Variants in ASB5 observed in about 807,000 individuals in gnomAD.
ASB5 encodes the protein ankyrin repeat and SOCS box containing 5, also known as ankyrin repeat and SOCS box protein 5.
Under a neutral mutation model 42.1 loss-of-function variants are expected in ASB5, and 45 were observed. The ratio of observed to expected loss-of-function variants is 1.07; its 90% CI spans 0.84 to 1.37. ASB5 has a LOEUF of 1.37. Among genes scored for constraint, ASB5 ranks in the 40% most tolerant of loss-of-function variants. ASB5 has a pLI of 0.00. For missense variants in ASB5, 402 were observed against 399.8 expected, an observed-to-expected ratio of 1.01 and a Z score of -0.05; for synonymous variants, 147 against 150.6, an observed-to-expected ratio of 0.98 and a Z score of 0.18.
At chr4:176,268,765 T>C (rs910513269) in intron 1 of ASB5, 148 bp downstream of exon 1, 2 of 629,118 alleles carry the variant, frequency 3.2e-6, no homozygotes, top group East Asian at 6.5e-5. Context: ...TTCCTTTTTA[T>C]AAAGCCACGA....
At chr4:176,261,659 T>C (rs543399178) in intron 1 of ASB5, among the ~76,000 whole-genome samples, 2 of 152,342 alleles carry the variant, frequency 1.3e-5, no homozygotes, top group East Asian at 3.9e-4. Flanking sequence ...CTCTGCTTTA[T>C]TTATGAAGTG....
At chr4:176,225,617 G>T (rs1317292057) in intron 1 of ASB5, among the ~76,000 whole-genome samples, 2 of 152,082 alleles carry the variant, frequency 1.3e-5, no homozygotes, top group African/African-American at 4.8e-5. Context: ...AATAGATGGA[G>T]TCTCGCCCTG....
chr4:176,263,952 T>G (rs187372861), intron 1 of ASB5, among the ~76,000 whole-genome samples: 38 of 152,196 alleles, frequency 2.5e-4, no homozygotes, highest in African/African-American at 8.9e-4. Context: ...GGTTACAGTA[T>G]TCTCCAAAAT....
At chr4:176,249,507 A>G (rs1252176885) in intron 1 of ASB5, 3 of 152,238 alleles carry the variant, frequency 2.0e-5, no homozygotes, top group East Asian at 1.9e-4. Flanking sequence ...CTGCAGTCTT[A>G]GTGGGACTCT....
intron 1 of ASB5, among the ~76,000 whole-genome samples, chr4:176,233,422 A>G (rs1486670030): frequency 6.6e-6 from 1 of 151,704 alleles, no homozygotes; most frequent in Admixed American, 6.6e-5. Flanking sequence ...TCACCTAGAT[A>G]TTTTCCTGGC....
intron 5 of ASB5, among the ~76,000 whole-genome samples, chr4:176,219,589 T>TATATG (rs1183383503): frequency 2.3e-5 from 1 of 44,026 alleles, no homozygotes; most frequent in African/African-American, 7.6e-5. Context: ...TATATATATA[T>TATATG]ATATATATAT....
chr4:176,272,303 T>A (rs1370018383), upstream of ASB5, among the ~76,000 whole-genome samples: 2 of 152,174 alleles, frequency 1.3e-5, no homozygotes, highest in Non-Finnish European at 2.9e-5. Flanking sequence ...TGCAACTGCT[T>A]TTAATGGCAA....
intron 1 of ASB5, among the ~76,000 whole-genome samples, chr4:176,263,603 G>A (rs1477728945): frequency 3.3e-5 from 5 of 151,992 alleles, no homozygotes; most frequent in Admixed American, 1.3e-4. Context: ...TTCCACCTAC[G>A]TATAGAAAAT....
chr4:176,274,079 G>A (rs1754522173), upstream of ASB5, among the ~76,000 whole-genome samples: 1 of 152,160 alleles, frequency 6.6e-6, no homozygotes, highest in African/African-American at 2.4e-5. Context: ...CCTCTGCAGG[G>A]GGAGGCTAAG....
intron 1 of ASB5, among the ~76,000 whole-genome samples, chr4:176,257,118 G>A (rs181828341): frequency 6.6e-6 from 1 of 152,154 alleles, no homozygotes; most frequent in Non-Finnish European, 1.5e-5. Flanking sequence ...CTTTTAAGAA[G>A]GATGGTTTGG....
rs999444789 is a variant in ASB5, at chr4:176,214,258, T to C, written c.*1342A>G. The C allele has an allele frequency of 3.3e-5, 5 of 152,138 alleles. No individual in the cohort carries two copies. The highest frequency in any genetic ancestry group is 1.2e-4 in the African/African-American group (5 of 41,456). The allele number at this position is 152,138 out of a possible 1,614,324, so 9.4% of individuals were successfully genotyped here. On this transcript the variant is annotated 3_prime_UTR_variant, in exon 7 of 7. Transcript: ENST00000296525. The stretch of plus-strand genomic sequence containing the variant: ...CAAGAAGTCAGAAGAAAATAAGCCC[T>C]GGGTTGTTGAAAATAGTGGTCAAAA...
At chr4:176,238,203 T>TA (rs1491178416) in intron 1 of ASB5, among the ~76,000 whole-genome samples, 2 of 67,968 alleles carry the variant, frequency 2.9e-5, no homozygotes, top group African/African-American at 1.1e-4. Context: ...GGAGACTCCG[T>TA]CTCAAAAAAA....
intron 1 of ASB5, among the ~76,000 whole-genome samples, chr4:176,226,823 C>T (rs566526469): frequency 6.6e-6 from 1 of 152,230 alleles, no homozygotes. Context: ...CTTGCCTGGG[C>T]TCTGCGGTGT....
intron 1 of ASB5, among the ~76,000 whole-genome samples, chr4:176,228,175 C>G (rs1753430909): frequency 6.6e-6 from 1 of 152,064 alleles, no homozygotes; most frequent in South Asian, 2.1e-4. Context: ...GGTTCTGTTT[C>G]TTAGATAGTC....
intron 1 of ASB5, among the ~76,000 whole-genome samples, chr4:176,242,470 A>G (rs541494876): frequency 6.4e-4 from 97 of 152,224 alleles, no homozygotes; most frequent in Admixed American, 1.2e-3. Flanking sequence ...TTCTAAACTC[A>G]GCTTAGATCA....
chr4:176,248,538 T>C (rs147416621), intron 1 of ASB5, among the ~76,000 whole-genome samples: 5 of 152,236 alleles, frequency 3.3e-5, no homozygotes, highest in African/African-American at 1.2e-4. Context: ...AAACTGGAGA[T>C]ACACAGGCCC....
chr4:176,215,477 G>T lies in ASB5; in HGVS notation c.*123C>A. ...TTAAAATGAAAATTGATATTTTACT[G>T]CTTCCCTGGGTGATCTCACACTCAC... On this transcript the variant is annotated 3_prime_UTR_variant, in exon 7 of 7. Transcript: ENST00000296525. The T allele has an allele frequency of 1.0e-6, 1 of 960,818 alleles. No individual in the cohort carries two copies. Among genetic ancestry groups the T allele is most frequent in the Non-Finnish European group, 1.5e-6 (1 of 668,240 alleles). The allele number at this position is 960,818 out of a possible 1,614,324, so 59.5% of individuals were successfully genotyped here.
intron 1 of ASB5, among the ~76,000 whole-genome samples, chr4:176,245,087 A>G (rs1753883962): frequency 6.6e-6 from 1 of 152,206 alleles, no homozygotes; most frequent in African/African-American, 2.4e-5. Context: ...CATTACCAGG[A>G]AGTGATGAGA....
intron 1 of ASB5, among the ~76,000 whole-genome samples, chr4:176,233,172 T>C (rs13117768): frequency 0.37 from 55,837 of 152,074 alleles, 11,969 homozygotes; most frequent in Middle Eastern, 0.49. Flanking sequence ...CTTTCATATA[T>C]CTTCCCCATC....
Sources: gnomAD v4.1 joint callset for allele counts (sites outside exome capture counted in the v4.1 genomes callset) on GRCh38, gnomAD v4.1.1 for gene constraint, MANE v1.5 for transcripts, NCBI Gene and HGNC (gene_info 2026-07-23, HGNC 2026-07-21) for gene names.